Variants in KRCC1 observed in about 807,000 individuals in gnomAD.
KRCC1 encodes lysine rich coiled-coil 1, also known as lysine-rich coiled-coil protein 1.
A neutral mutation model predicts 7.4 loss-of-function variants in KRCC1; 3 were observed. That is an observed-to-expected ratio of 0.40 (90% CI 0.18 to 1.04). The LOEUF (loss-of-function observed/expected upper bound fraction) is 1.04. Among genes scored for constraint, KRCC1 ranks in the 50% least tolerant of loss-of-function variants. The pLI is 0.33. For synonymous variants in KRCC1, 102 were observed against 101.6 expected, an observed-to-expected ratio of 1.00 and a Z score of -0.02; for missense variants, 277 against 300.9, an observed-to-expected ratio of 0.92 and a Z score of 0.59.
rs1485766599 is a variant in KRCC1 at position 88,055,614 on chromosome 2, G to A, written c.-291+12C>T. On this transcript the variant is annotated intron_variant, in intron 1 of 3. Transcript: ENST00000347055. ...AGACCGGGCCGCCCCCGCCGCCGGG[G>A]CGGGAACTCACCTTCTCTGAGGCAG... is the stretch of plus-strand genomic sequence containing the variant. The A allele has an allele frequency of 6.6e-6, 1 of 152,232 alleles. No homozygotes were observed. Among genetic ancestry groups the A allele is most frequent in the Non-Finnish European group, 1.5e-5 (1 of 68,218 alleles). 9.4% of individuals were successfully genotyped at this position (152,232 alleles called of 1,614,324 possible).
intron 2 of KRCC1, among the ~76,000 whole-genome samples, chr2:88,035,413 T>A (rs1673073197): frequency 6.6e-6 from 1 of 152,176 alleles, no homozygotes; most frequent in Admixed American, 6.5e-5. Flanking sequence ...TCCCTTCTGC[T>A]GCTGAAATGA....
chr2:88,046,593 G>A (rs967925523), intron 1 of KRCC1, among the ~76,000 whole-genome samples: 11 of 152,224 alleles, frequency 7.2e-5, no homozygotes, highest in African/African-American at 2.7e-4. Context: ...TGATGTTTTA[G>A]AGGGACTGTA....
intron 3 of KRCC1, among the ~76,000 whole-genome samples, chr2:88,030,421 A>G (rs1672971474): frequency 6.6e-6 from 1 of 151,812 alleles, no homozygotes; most frequent in Non-Finnish European, 1.5e-5. Flanking sequence ...CAACTTAAAT[A>G]GTATACAAAT....
Position 88,028,033 on chromosome 2 carries a change from C to T in KRCC1, c.531G>A (p.Lys177=), listed in dbSNP as rs1224457217. 9 of 1,613,866 alleles carry T rather than the reference C, an allele frequency of 5.6e-6. No individual in the cohort carries two copies. Among genetic ancestry groups the T allele is most frequent in the Non-Finnish European group, 7.6e-6 (9 of 1,180,000 alleles). The change falls in exon 4 of 4, where the codon AAG becomes AAA. Residue 177 remains lysine, a synonymous_variant. Transcript: ENST00000347055. The part of the protein sequence containing the change: ...GREKSEEERS[K]HKRKKSCEEI... Reference sequence around the variant, plus strand: ...CCTCGCAGCTTTTTTTTCTCTTATGCTTAGACCGCTCCTCCTCTGATTTTT... The same window carrying T: ...CCTCGCAGCTTTTTTTTCTCTTATGTTTAGACCGCTCCTCCTCTGATTTTT...
chr2:88,052,013 G>A (rs1673500572), intron 1 of KRCC1, among the ~76,000 whole-genome samples: 1 of 152,234 alleles, frequency 6.6e-6, no homozygotes, highest in African/African-American at 2.4e-5. Context: ...GGTGCTGGTA[G>A]CACCTGCACT....
At chr2:88,028,776 G>C (rs1179812804) in intron 3 of KRCC1, among the ~76,000 whole-genome samples, 191 bp from the exon 4 acceptor site, 1 of 149,426 alleles carries the variant, frequency 6.7e-6, no homozygotes, top group Admixed American at 6.8e-5. Context: ...TCAGCCTCCC[G>C]AGTAGCTGGG....
At chr2:88,041,950 T>TCC (rs139644233) in intron 1 of KRCC1, among the ~76,000 whole-genome samples, 11 of 151,826 alleles carry the variant, frequency 7.2e-5, no homozygotes, top group African/African-American at 2.7e-4. Flanking sequence ...GTAGCATCTC[T>TCC]CCCCCCCGAT....
chr2:88,047,612 T>C (rs1164106921), intron 1 of KRCC1, among the ~76,000 whole-genome samples: 1 of 152,186 alleles, frequency 6.6e-6, no homozygotes, highest in African/African-American at 2.4e-5. Context: ...CACTGCAGCC[T>C]CCGCCTCCCA....
chr2:88,052,313 TA>T (rs1673508384), intron 1 of KRCC1, among the ~76,000 whole-genome samples: 1 of 152,284 alleles, frequency 6.6e-6, no homozygotes, highest in South Asian at 2.1e-4. Context: ...CTGAGAGTTC[TA>T]ATTTGTCTTA....
At chr2:88,044,078 T>C (rs902933776) in intron 1 of KRCC1, among the ~76,000 whole-genome samples, 1 of 152,214 alleles carries the variant, frequency 6.6e-6, no homozygotes, top group African/African-American at 2.4e-5. Flanking sequence ...TTAAGGAACA[T>C]GTCCATGGTT....
chr2:88,054,507 G>A (rs78937025), intron 1 of KRCC1, among the ~76,000 whole-genome samples: 3,295 of 152,150 alleles, frequency 0.022, 215 homozygotes, highest in East Asian at 0.13. Context: ...GGAAGGACTG[G>A]GCCTGACTCC....
intron 1 of KRCC1, among the ~76,000 whole-genome samples, chr2:88,044,847 A>G (rs1318348605): frequency 6.6e-6 from 1 of 150,572 alleles, no homozygotes; most frequent in Admixed American, 6.7e-5. Flanking sequence ...CAATAATTTT[A>G]CAAAGGAGTT....
At chr2:88,042,401 C>CT (rs1416295657) in intron 1 of KRCC1, among the ~76,000 whole-genome samples, 1 of 151,766 alleles carries the variant, frequency 6.6e-6, no homozygotes, top group Non-Finnish European at 1.5e-5. Context: ...TGTTTCTTTT[C>CT]TTTGACTGCC....
intron 2 of KRCC1, among the ~76,000 whole-genome samples, chr2:88,035,800 T>A (rs1673079914): frequency 6.6e-6 from 1 of 152,330 alleles, no homozygotes; most frequent in Non-Finnish European, 1.5e-5. Context: ...ACTCAAGTTA[T>A]CACAGAGCCC....
At chr2:88,054,756 C>A (rs764202892) in intron 1 of KRCC1, among the ~76,000 whole-genome samples, 5 of 152,172 alleles carry the variant, frequency 3.3e-5, no homozygotes, top group Non-Finnish European at 7.3e-5. Flanking sequence ...GGAATAAAAT[C>A]CTTTTTCAAC....
At position 88,027,721 on chromosome 2, in the gene KRCC1, T is replaced by C. The variant is rs1014567442; in HGVS notation, c.*63A>G. 6 of 1,416,014 alleles carry C rather than the reference T, an allele frequency of 4.2e-6. No homozygotes were observed. In the Admixed American group the frequency reaches 1.2e-4, roughly 27 times the overall value. 87.7% of individuals were successfully genotyped at this position (1,416,014 alleles called of 1,614,324 possible). ...AAGAAAAGTGGTATGAACACGGATA[T>C]CATAAAACCAAGCTCTCACCTATTT... On this transcript the variant is annotated 3_prime_UTR_variant, in exon 4 of 4. Transcript: ENST00000347055.
chr2:88,029,610 G>A (rs963058501), intron 3 of KRCC1, among the ~76,000 whole-genome samples: 4 of 151,872 alleles, frequency 2.6e-5, no homozygotes, highest in Non-Finnish European at 5.9e-5. Flanking sequence ...ACTGGTGAGA[G>A]GAATAAGGGA....
chr2:88,032,127 G>A (rs1409423000), intron 3 of KRCC1, among the ~76,000 whole-genome samples: 1 of 152,062 alleles, frequency 6.6e-6, no homozygotes, highest in African/African-American at 2.4e-5. Flanking sequence ...GGGTGACAGA[G>A]TGATACTCTG....
chr2:88,043,881 G>A (rs1001175564), intron 1 of KRCC1, among the ~76,000 whole-genome samples: 1 of 151,938 alleles, frequency 6.6e-6, no homozygotes, highest in African/African-American at 2.4e-5. Flanking sequence ...CTCCACGTTG[G>A]TCAGGCTGCT....
Sources: gnomAD v4.1 joint callset for allele counts (sites outside exome capture counted in the v4.1 genomes callset) on GRCh38, gnomAD v4.1.1 for gene constraint, MANE v1.5 for transcripts, NCBI Gene and HGNC (gene_info 2026-07-23, HGNC 2026-07-21) for gene names.